Variants in KCNQ1 observed in about 807,000 individuals in gnomAD.
The protein encoded by KCNQ1 is potassium voltage-gated channel subfamily Q member 1, also known as potassium voltage-gated channel subfamily KQT member 1.
In KCNQ1, 49 loss-of-function variants were observed where a neutral mutation model predicts 72.4. The ratio of observed to expected loss-of-function variants is 0.68; its 90% CI spans 0.54 to 0.86. The LOEUF (loss-of-function observed/expected upper bound fraction) is 0.86, where lower values mean the gene tolerates loss of function less well. Among genes scored for constraint, KCNQ1 ranks in the 40% least tolerant of loss-of-function variants. The pLI is 0.00. For missense variants in KCNQ1, 790 were observed against 945.1 expected, an observed-to-expected ratio of 0.84 and a Z score of 2.15; for synonymous variants, 450 against 412.6, an observed-to-expected ratio of 1.09 and a Z score of -1.10.
At chr11:2,837,077 T>TGGGCAGGATG (rs1351588899) in intron 15 of KCNQ1, among the ~76,000 whole-genome samples, 2 of 152,022 alleles carry the variant, frequency 1.3e-5, no homozygotes, top group Non-Finnish European at 2.9e-5. Flanking sequence ...CTCCTGGGGA[T>TGGGCAGGATG]GGGCAGGATG....
chr11:2,520,574 C>G (rs1847364799), intron 1 of KCNQ1, among the ~76,000 whole-genome samples: 1 of 152,170 alleles, frequency 6.6e-6, no homozygotes, highest in South Asian at 2.1e-4. Context: ...AGATTCAGCC[C>G]TGGGGAACAG....
Position 2,713,146 on chromosome 11 carries a change from G to A in KCNQ1, c.1514+51065G>A, listed in dbSNP as rs539953582. 6.6e-6 allele frequency among the ~76,000 whole-genome samples: 1 copy of A among 152,178 alleles called. No individual in the cohort carries two copies. The highest frequency in any genetic ancestry group is 2.4e-5 in the African/African-American group (1 of 41,420). On this transcript the variant is annotated intron_variant, in intron 11 of 15. Coordinates refer to ENST00000155840, the MANE Select transcript of KCNQ1 (RefSeq NM_000218.3). This position sits in a 1 kb window ranked among gnomAD's most constrained non-coding sequence, Gnocchi z 5.6. ...TAATGAGCCTCTGAAATGAGATCCC[G>A]GAGAGGGGCCAGGACCATGCCTGGG...
chr11:2,726,243 G>A (rs1172424216), intron 11 of KCNQ1, among the ~76,000 whole-genome samples: 2 of 152,248 alleles, frequency 1.3e-5, no homozygotes, highest in Non-Finnish European at 2.9e-5. Flanking sequence ...CTCACGAGAT[G>A]TGTGCTGACG....
intron 11 of KCNQ1, among the ~76,000 whole-genome samples, chr11:2,730,798 G>A (rs1391555107): frequency 2.6e-5 from 4 of 152,232 alleles, no homozygotes; most frequent in Non-Finnish European, 5.9e-5. Flanking sequence ...GTTTCGAAGG[G>A]CAGAGGAGGG....
intron 1 of KCNQ1, among the ~76,000 whole-genome samples, chr11:2,456,317 TAAA>T (rs1033186024): frequency 2.0e-5 from 3 of 150,520 alleles, no homozygotes; most frequent in African/African-American, 7.3e-5. Context: ...AAAAAAAAAT[TAAA>T]AAAGATTAGA....
intron 2 of KCNQ1, among the ~76,000 whole-genome samples, chr11:2,560,455 G>GGGGGACGGGGGGTGACGTCCATCCT (rs1848147258): frequency 9.3e-6 from 1 of 107,164 alleles, no homozygotes; most frequent in East Asian, 3.5e-4. Flanking sequence ...GTCCATCCTG[G>GGGGGACGGGGGGTGACGTCCATCCT]GGGGACGGGG....
rs372562223 is a variant in KCNQ1, at chr11:2,462,007, A to G, written c.386+16523A>G. ...GTGTGGACTCAGCCAGCCTAGTCCC[A>G]ATACAGCTGGGATGCATTGCTGCTC... On this transcript the variant is annotated intron_variant, in intron 1 of 15. Coordinates refer to ENST00000155840, the MANE Select transcript of KCNQ1 (RefSeq NM_000218.3). This position sits in a 1 kb window ranked among gnomAD's most constrained non-coding sequence, Gnocchi z 8.2. 0.033 allele frequency: 11,443 copies of G among 350,032 alleles called. 268 individuals carry two copies. The highest frequency in any genetic ancestry group is 0.049 in the South Asian group (2,275 of 46,386). 21.7% of individuals were successfully genotyped at this position (350,032 alleles called of 1,614,324 possible).
At chr11:2,517,461 C>T (rs1056084917) in intron 1 of KCNQ1, among the ~76,000 whole-genome samples, 5 of 152,180 alleles carry the variant, frequency 3.3e-5, no homozygotes, top group Admixed American at 6.5e-5. Flanking sequence ...CAGGGCCCCA[C>T]GCGTGTTGAG....
At chr11:2,534,776 G>A (rs746964768) in intron 2 of KCNQ1, among the ~76,000 whole-genome samples, 5 of 152,354 alleles carry the variant, frequency 3.3e-5, no homozygotes, top group East Asian at 1.9e-4. Flanking sequence ...GAACGCGGTC[G>A]TCTTCTCCCT....
chr11:2,779,194 G>A (rs988039331), intron 15 of KCNQ1, among the ~76,000 whole-genome samples: 1 of 152,228 alleles, frequency 6.6e-6, no homozygotes, highest in Non-Finnish European at 1.5e-5. Context: ...CATCTGGCAG[G>A]ACAGGAAGCA....
chr11:2,585,876 G>A (rs1407986960), intron 8 of KCNQ1, among the ~76,000 whole-genome samples: 3 of 152,230 alleles, frequency 2.0e-5, no homozygotes, highest in Non-Finnish European at 4.4e-5. Context: ...GGCAGGTGGG[G>A]AGGCAGGCAG....
chr11:2,588,916 GC>G lies in KCNQ1; in HGVS notation c.1393+65del. The G allele has an allele frequency of 6.3e-7, 1 of 1,575,318 alleles. No homozygotes were observed. The highest frequency in any genetic ancestry group is 1.1e-5 in the South Asian group (1 of 88,542). ...GGGAAGGTCACTGCCTTTTTTGGGA[GC>G]CCGAGCAAGCCAGTGAGTTTCTCCC... is the stretch of plus-strand genomic sequence containing the variant. On this transcript the variant is annotated intron_variant, in intron 10 of 15. Transcript: ENST00000155840. The surrounding 1 kb of genome is among the most constrained non-coding windows in gnomAD (Gnocchi z 5.6).
At position 2,826,128 on chromosome 11, in the gene KCNQ1, C is replaced by T. The variant is rs1847834734; in HGVS notation, c.1795-21639C>T. 1.3e-5 allele frequency among the ~76,000 whole-genome samples: 2 copies of T among 152,258 alleles called. No individual in the cohort carries two copies. Among genetic ancestry groups the T allele is most frequent in the African/African-American group, 4.8e-5 (2 of 41,480 alleles). On this transcript the variant is annotated intron_variant, in intron 15 of 15. Coordinates refer to ENST00000155840, the MANE Select transcript of KCNQ1 (RefSeq NM_000218.3). This position sits in a 1 kb window ranked among gnomAD's most constrained non-coding sequence, Gnocchi z 4.2. ...AACCAGGCCTGGCTCATGCCAATGT[C>T]TTGAGTAATTATTGGGGGGCGGGGG...
At chr11:2,649,706 G>C in intron 10 of KCNQ1, 1 of 398,508 alleles carries the variant, frequency 2.5e-6, no homozygotes. Flanking sequence ...GTGACTTCAT[G>C]CTTCTCTCTT....
intron 1 of KCNQ1, among the ~76,000 whole-genome samples, chr11:2,474,119 G>C (rs1484488186): frequency 6.6e-6 from 1 of 152,164 alleles, no homozygotes; most frequent in Non-Finnish European, 1.5e-5. Context: ...TTCGAAACAG[G>C]CTTTCCTCAC....
In KCNQ1 at chr11:2,679,329, C is replaced by A; in HGVS notation, c.1514+17248C>A. 2.5e-6 allele frequency: 1 copy of A among 398,624 alleles called. No individual in the cohort carries two copies. The highest frequency in any genetic ancestry group is 4.4e-6 in the Non-Finnish European group (1 of 226,062). The allele number at this position is 398,624 out of a possible 1,614,324, so 24.7% of individuals were successfully genotyped here. A position where few individuals can be genotyped will look rare whatever the true frequency, so the allele number is the denominator to read the frequency against. On this transcript the variant is annotated intron_variant, in intron 11 of 15. Transcript: ENST00000155840. The surrounding 1 kb of genome is among the most constrained non-coding windows in gnomAD (Gnocchi z 4.8). ...AGGGTCTGGAGTCTGAACTCATATC[C>A]TAATTCCACTACTTTCTACCTGCTA...
chr11:2,761,612 C>T (rs1846397356), intron 11 of KCNQ1, among the ~76,000 whole-genome samples: 1 of 152,222 alleles, frequency 6.6e-6, no homozygotes, highest in Admixed American at 6.5e-5. Flanking sequence ...CAGGAAAGGC[C>T]ACTTGGCCCC....
chr11:2,491,641 G>A lies in KCNQ1; in HGVS notation c.387-36287G>A, dbSNP rs1219063364. On this transcript the variant is annotated intron_variant, in intron 1 of 15. Coordinates refer to ENST00000155840, the MANE Select transcript of KCNQ1 (RefSeq NM_000218.3). The surrounding 1 kb of genome is among the most constrained non-coding windows in gnomAD (Gnocchi z 4.1). ...TAAAGAGGAGGTAGAGAAAGAGATA[G>A]GGGTAGAAAGCTTATTCAAAGGGAT... 6.6e-6 allele frequency among the ~76,000 whole-genome samples: 1 copy of A among 152,104 alleles called. No homozygotes were observed. The highest frequency in any genetic ancestry group is 1.5e-5 in the Non-Finnish European group (1 of 68,022).
Position 2,746,532 on chromosome 11 carries a change from G to A in KCNQ1, c.1515-22312G>A, listed in dbSNP as rs1053496892. The stretch of plus-strand genomic sequence containing the variant: ...TCTCCTTGTTGGTGGTGACCTGGAC[G>A]GTTCAGAGGAGGACAGGTCAGGTGT... On this transcript the variant is annotated intron_variant, in intron 11 of 15. Transcript: ENST00000155840. The surrounding 1 kb of genome is among the most constrained non-coding windows in gnomAD (Gnocchi z 5.9). 2.6e-5 allele frequency among the ~76,000 whole-genome samples: 4 copies of A among 152,180 alleles called. No individual in the cohort carries two copies. Among genetic ancestry groups the A allele is most frequent in the African/African-American group, 9.7e-5 (4 of 41,438 alleles).
Sources: allele counts gnomAD v4.1 joint callset (sites outside exome capture counted in the v4.1 genomes callset), GRCh38; gene constraint gnomAD v4.1.1; non-coding constraint Gnocchi (gnomAD v3.1); transcripts MANE v1.5; gene names NCBI Gene and HGNC (gene_info 2026-07-23, HGNC 2026-07-21).